Variants in KCNQ1 observed in about 807,000 individuals in gnomAD.
KCNQ1 encodes potassium voltage-gated channel subfamily Q member 1.
Under a neutral mutation model 72.4 loss-of-function variants are expected in KCNQ1, and 49 were observed. The ratio of observed to expected loss-of-function variants is 0.68; its 90% confidence interval spans 0.54 to 0.86. The LOEUF (loss-of-function observed/expected upper bound fraction) is 0.86, where lower values mean the gene tolerates loss of function less well. KCNQ1 is among the 40% of genes least tolerant of loss of function. KCNQ1 has a pLI of 0.00. For missense variants in KCNQ1, 790 were observed against 945.1 expected, an observed-to-expected ratio of 0.84 and a Z score of 2.15; for synonymous variants, 450 against 412.6, an observed-to-expected ratio of 1.09 and a Z score of -1.10.
At chr11:2,542,548 C>A (rs992860821) in intron 2 of KCNQ1, among the ~76,000 whole-genome samples, 1 of 152,242 alleles carries the variant, frequency 6.6e-6, no homozygotes, top group Non-Finnish European at 1.5e-5. Context: ...GGACCATCAC[C>A]ACAATTGAGA....
chr11:2,614,384 A>G (rs1030011707), intron 10 of KCNQ1: 7 of 398,442 alleles, frequency 1.8e-5, no homozygotes, highest in South Asian at 2.5e-4. Context: ...AACCATTTCA[A>G]AATGTACAAT....
intron 2 of KCNQ1, among the ~76,000 whole-genome samples, chr11:2,553,162 G>GTTTTTTTTTTTT (rs761903102): frequency 1.4e-4 from 15 of 105,740 alleles, no homozygotes; most frequent in South Asian, 3.0e-4. Flanking sequence ...GGTTTTTTTT[G>GTTTTTTTTTTTT]TTTTTTTTTT....
In KCNQ1 at chr11:2,735,054, G is replaced by A. The variant is rs931496304; in HGVS notation, c.1515-33790G>A. 2.6e-5 allele frequency among the ~76,000 whole-genome samples: 4 copies of A among 152,282 alleles called. No homozygotes were observed. Among genetic ancestry groups the A allele is most frequent in the Middle Eastern group, 3.4e-3 (1 of 294 alleles). Reference sequence around the variant, plus strand: ...ACTAACAAGAGGCACATGTGCCAGGGAAGCCCTGCCTTGTCATCACCTGTG... The same window carrying A: ...ACTAACAAGAGGCACATGTGCCAGGAAAGCCCTGCCTTGTCATCACCTGTG... On this transcript the variant is annotated intron_variant, in intron 11 of 15. Transcript: ENST00000155840. This position sits in a 1 kb window ranked among gnomAD's most constrained non-coding sequence, Gnocchi z 7.7.
In KCNQ1 at chr11:2,473,008, A is replaced by G. The variant is rs1156664613; in HGVS notation, c.386+27524A>G. On this transcript the variant is annotated intron_variant, in intron 1 of 15. Transcript: ENST00000155840. This position sits in a 1 kb window ranked among gnomAD's most constrained non-coding sequence, Gnocchi z 6.0. ...GTGGCTGGGAGAAGCCTGCATATGAAGGCCTCTGTCATTGGAGGAGACTGT... is the reference window on the plus strand; with the variant it reads ...GTGGCTGGGAGAAGCCTGCATATGAGGGCCTCTGTCATTGGAGGAGACTGT... 6.6e-6 allele frequency among the ~76,000 whole-genome samples: 1 copy of G among 151,814 alleles called. No homozygotes were observed. Among genetic ancestry groups the G allele is most frequent in the Non-Finnish European group, 1.5e-5 (1 of 67,940 alleles).
At chr11:2,716,090 C>T (rs1004888666) in intron 11 of KCNQ1, among the ~76,000 whole-genome samples, 4 of 152,200 alleles carry the variant, frequency 2.6e-5, no homozygotes, top group East Asian at 1.9e-4. Context: ...CCGCCGGGGT[C>T]GGAGCCCCTA....
intron 15 of KCNQ1, among the ~76,000 whole-genome samples, chr11:2,812,049 A>C (rs769342575): frequency 1.3e-5 from 2 of 151,932 alleles, no homozygotes; most frequent in Non-Finnish European, 2.9e-5. Context: ...CCCTCAGCCC[A>C]GCCCTCATGG....
Position 2,673,412 on chromosome 11 carries a change from G to A in KCNQ1, c.1514+11331G>A, listed in dbSNP as rs1850223495. 2.5e-6 allele frequency: 1 copy of A among 398,682 alleles called. No homozygotes were observed. Among genetic ancestry groups the A allele is most frequent in the Non-Finnish European group, 4.4e-6 (1 of 226,090 alleles). 24.7% of individuals were successfully genotyped at this position (398,682 alleles called of 1,614,324 possible). Reference sequence around the variant, plus strand: ...CTTTGTTTAGCCCACCTTCTGCCTAGGCACCAGGCCTGGAGGTTCCAACTT... The same window carrying A: ...CTTTGTTTAGCCCACCTTCTGCCTAAGCACCAGGCCTGGAGGTTCCAACTT... On this transcript the variant is annotated intron_variant, in intron 11 of 15. Coordinates refer to ENST00000155840, the MANE Select transcript of KCNQ1 (RefSeq NM_000218.3). The surrounding 1 kb of genome is among the most constrained non-coding windows in gnomAD (Gnocchi z 4.5).
chr11:2,472,933 C>T (rs865902519), intron 1 of KCNQ1, among the ~76,000 whole-genome samples: 20 of 152,068 alleles, frequency 1.3e-4, no homozygotes, highest in Middle Eastern at 6.3e-3. Flanking sequence ...CCCCATCACC[C>T]CAGCACCGAG....
rs1297799707 is a variant in KCNQ1, at chr11:2,652,513, G to A, written c.1394-9448G>A. ...TCCAGAGGTTTCTGGGGAATGTCCT[G>A]TGAGCTCAACTCTTGGAGAAGATAG... On this transcript the variant is annotated intron_variant, in intron 10 of 15. Coordinates refer to ENST00000155840, the MANE Select transcript of KCNQ1 (RefSeq NM_000218.3). The surrounding 1 kb of genome is among the most constrained non-coding windows in gnomAD (Gnocchi z 5.9). The A allele has an allele frequency of 1.0e-5, 4 of 398,468 alleles. No homozygotes were observed. In the Admixed American group the frequency reaches 1.8e-4, roughly 18 times the overall value. The allele number at this position is 398,468 out of a possible 1,614,324, so 24.7% of individuals were successfully genotyped here. A position where few individuals can be genotyped will look rare whatever the true frequency, so the allele number is the denominator to read the frequency against.
chr11:2,619,720 T>G (rs2133802087), intron 10 of KCNQ1: 1 of 398,446 alleles, frequency 2.5e-6, no homozygotes, highest in South Asian at 1.3e-4. Context: ...GCATTTTTTT[T>G]TTTTTGGAAG....
In KCNQ1 at chr11:2,495,985, G is replaced by T. The variant is rs950245250; in HGVS notation, c.387-31943G>T. Among the ~76,000 whole-genome samples the T allele has an allele frequency of 6.6e-6, 1 of 152,120 alleles. No individual in the cohort carries two copies. The highest frequency in any genetic ancestry group is 1.5e-5 in the Non-Finnish European group (1 of 68,022). On this transcript the variant is annotated intron_variant, in intron 1 of 15. Coordinates refer to ENST00000155840, the MANE Select transcript of KCNQ1 (RefSeq NM_000218.3). The surrounding 1 kb of genome is among the most constrained non-coding windows in gnomAD (Gnocchi z 4.6). ...GAGTAGGAATATAAGTCTCTTTGTA[G>T]GTCTCTAAGAACTTGTTTTATGAAT...
At chr11:2,519,061 A>G (rs1416117837) in intron 1 of KCNQ1, among the ~76,000 whole-genome samples, 1 of 152,158 alleles carries the variant, frequency 6.6e-6, no homozygotes, top group Non-Finnish European at 1.5e-5. Context: ...CAGTGTGGAC[A>G]ATGGCAGACA....
At chr11:2,523,907 G>T (rs1158347006) in intron 1 of KCNQ1, among the ~76,000 whole-genome samples, 1 of 152,080 alleles carries the variant, frequency 6.6e-6, no homozygotes, top group Admixed American at 6.5e-5. Context: ...TTCCGTGCAG[G>T]TCACTGAGAG....
intron 11 of KCNQ1, chr11:2,680,557 A>T: frequency 2.5e-6 from 1 of 398,580 alleles, no homozygotes; most frequent in Non-Finnish European, 4.4e-6. Context: ...GAAACAACAC[A>T]GAGAAATCTT....
At chr11:2,786,923 C>T (rs1322051059) in intron 15 of KCNQ1, among the ~76,000 whole-genome samples, 2 of 142,768 alleles carry the variant, frequency 1.4e-5, no homozygotes, top group Admixed American at 6.9e-5. Context: ...TGCTGACTCT[C>T]ATTCATGGTG....
chr11:2,746,635 G>T lies in KCNQ1; in HGVS notation c.1515-22209G>T, dbSNP rs552806747. Among the ~76,000 whole-genome samples the T allele has an allele frequency of 2.0e-5, 3 of 152,320 alleles. No individual in the cohort carries two copies. The highest frequency in any genetic ancestry group is 2.0e-4 in the Admixed American group (3 of 15,304). On this transcript the variant is annotated intron_variant, in intron 11 of 15. Transcript: ENST00000155840. The surrounding 1 kb of genome is among the most constrained non-coding windows in gnomAD (Gnocchi z 5.9). ...TGGGCTGTGGGTGTGAGGAGGGAGA[G>T]CACAGAGGGAAATGCCCTTCTCATC...
intron 11 of KCNQ1, among the ~76,000 whole-genome samples, chr11:2,741,343 T>G (rs535538642): frequency 6.6e-6 from 1 of 152,314 alleles, no homozygotes; most frequent in African/African-American, 2.4e-5. Context: ...CCGGGGTGGC[T>G]GTGTGCAGCA....
intron 14 of KCNQ1, chr11:2,777,494 C>G (rs1395268904): frequency 1.9e-6 from 1 of 536,310 alleles, no homozygotes; most frequent in Non-Finnish European, 3.3e-6. Flanking sequence ...TCCTTGGGTC[C>G]CCTGGACACG....
In KCNQ1 at chr11:2,599,453, G is replaced by A. The variant is rs78033607; in HGVS notation, c.1393+10599G>A. On this transcript the variant is annotated intron_variant, in intron 10 of 15. Coordinates refer to ENST00000155840, the MANE Select transcript of KCNQ1 (RefSeq NM_000218.3). The surrounding 1 kb of genome is among the most constrained non-coding windows in gnomAD (Gnocchi z 4.7). Reference sequence around the variant, plus strand: ...TACATACTCTGTGATGTTCTCTATCGCTTAAAATTCATTTTGTTCAAGAAC... The same window carrying A: ...TACATACTCTGTGATGTTCTCTATCACTTAAAATTCATTTTGTTCAAGAAC... Among the ~76,000 whole-genome samples, 771 of 151,960 alleles carry A rather than the reference G, an allele frequency of 5.1e-3. 1 individual carries two copies. The highest frequency in any genetic ancestry group is 0.016 in the African/African-American group (654 of 41,456).
Sources: gnomAD v4.1 joint callset for allele counts (sites outside exome capture counted in the v4.1 genomes callset) on GRCh38, gnomAD v4.1.1 for gene constraint, Gnocchi (gnomAD v3.1) non-coding constraint, MANE v1.5 for transcripts, NCBI Gene and HGNC (gene_info 2026-07-23, HGNC 2026-07-21) for gene names.